The following USP10 variants were observed in gnomAD, a reference collection of about 807,000 sequenced individuals.
USP10 encodes the protein ubiquitin carboxyl-terminal hydrolase 10.
A neutral mutation model predicts 84.5 loss-of-function variants in USP10; 22 were observed. The ratio of observed to expected loss-of-function variants is 0.26; its 90% CI spans 0.19 to 0.37. The LOEUF (loss-of-function observed/expected upper bound fraction) is 0.37, where lower values mean the gene tolerates loss of function less well. Among genes scored for constraint, USP10 ranks in the 10% least tolerant of loss-of-function variants. The pLI is 1.00. For synonymous variants in USP10, 454 were observed against 387.6 expected, an observed-to-expected ratio of 1.17 and a Z score of -2.01; for missense variants, 1,019 against 998.9, an observed-to-expected ratio of 1.02 and a Z score of -0.27.
intron 12 of USP10, among the ~76,000 whole-genome samples, chr16:84,774,370 C>A (rs1029740309): frequency 1.3e-5 from 2 of 152,160 alleles, no homozygotes; most frequent in Non-Finnish European, 2.9e-5. Context: ...AGTGGTACTT[C>A]TGCGCACAGT....
chr16:84,726,531 C>T (rs1382056331), intron 1 of USP10, among the ~76,000 whole-genome samples: 3 of 152,226 alleles, frequency 2.0e-5, no homozygotes, highest in African/African-American at 7.2e-5. Context: ...CCAGCTTAGC[C>T]AACAGGCTAT....
At chr16:84,763,143 G>T (rs2150855512) in intron 9 of USP10, 55 bp downstream of exon 9, 2 of 1,125,588 alleles carry the variant, frequency 1.8e-6, no homozygotes, top group South Asian at 2.6e-5. Context: ...GTAAACAGGT[G>T]TTGCATACTC....
Position 84,763,041 on chromosome 16 carries a change from A to G in USP10, c.1607A>G (p.His536Arg). 6.2e-7 allele frequency: 1 copy of G among 1,612,958 alleles called. No individual in the cohort carries two copies. The highest frequency in any genetic ancestry group is 8.5e-7 in the Non-Finnish European group (1 of 1,179,140). The change falls in exon 9 of 14, where the codon CAT becomes CGT. Residue 536 changes from histidine to arginine, a missense_variant. His to Arg is a conservative substitution (Grantham distance 29). This residue lies in a region of USP10 where 787 missense variants were observed against 708.8 expected (regional missense o/e 1.11). Coordinates refer to ENST00000219473, the MANE Select transcript of USP10 (RefSeq NM_005153.3). ...EYLGFILNGLHEEMLNLKKLL... is the reference protein window; with the variant it reads ...EYLGFILNGLREEMLNLKKLL... ...TTAGGCTTCATTCTAAATGGACTTC[A>G]TGAGGAAATGTTGAACCTAAAGAAG...
chr16:84,770,484 C>A (rs1274204041), intron 11 of USP10, among the ~76,000 whole-genome samples: 1 of 152,066 alleles, frequency 6.6e-6, no homozygotes, highest in Non-Finnish European at 1.5e-5. Flanking sequence ...GAAATTAAGC[C>A]TCAGTTGGCT....
At chr16:84,706,089 C>G (rs1483253075) in intron 1 of USP10, among the ~76,000 whole-genome samples, 2 of 152,064 alleles carry the variant, frequency 1.3e-5, no homozygotes, top group Non-Finnish European at 2.9e-5. Flanking sequence ...GCTGTGTTTC[C>G]CAGGCTGGTC....
chr16:84,727,763 G>C (rs548145037), intron 1 of USP10, among the ~76,000 whole-genome samples: 1 of 152,198 alleles, frequency 6.6e-6, no homozygotes, highest in African/African-American at 2.4e-5. Flanking sequence ...TACATACACT[G>C]TAGCCACTTA....
chr16:84,733,530 T>G, intron 2 of USP10, 27 bp downstream of exon 2: 1 of 1,498,226 alleles, frequency 6.7e-7, no homozygotes, highest in Non-Finnish European at 9.2e-7. Flanking sequence ...TTTTAGTGAG[T>G]CCGTGGGTAG....
At chr16:84,776,916 G>C (rs1758024924) in intron 13 of USP10, among the ~76,000 whole-genome samples, 1 of 152,170 alleles carries the variant, frequency 6.6e-6, no homozygotes, top group East Asian at 1.9e-4. Context: ...AGGTTCAAGT[G>C]ATTCTTGTGC....
At chr16:84,724,989 T>G (rs1908270718) in intron 1 of USP10, among the ~76,000 whole-genome samples, 1 of 152,164 alleles carries the variant, frequency 6.6e-6, no homozygotes, top group African/African-American at 2.4e-5. Flanking sequence ...AAATTAAAAT[T>G]TTTATTTTGA....
At chr16:84,703,292 G>GA (rs1178930465) in intron 1 of USP10, among the ~76,000 whole-genome samples, 3 of 152,086 alleles carry the variant, frequency 2.0e-5, no homozygotes, top group Admixed American at 6.6e-5. Flanking sequence ...GCCTTACACC[G>GA]AAAAAATATT....
chr16:84,709,178 C>G (rs1445301706), intron 1 of USP10: 1 of 152,204 alleles, frequency 6.6e-6, no homozygotes, highest in Non-Finnish European at 1.5e-5. Flanking sequence ...AGACAGCTTG[C>G]TAATCAGATA....
chr16:84,707,371 G>A lies in USP10; in HGVS notation c.21+7260G>A, dbSNP rs546051824. 1.1e-4 allele frequency among the ~76,000 whole-genome samples: 16 copies of A among 152,284 alleles called. No homozygotes were observed. The East Asian group carries it at 2.5e-3, about 24-fold the overall frequency. ...GTGTGGGGTACATTTTAATAAAGTC[G>A]TTTATTTTATTTTCTAGTATAAAGA... On this transcript the variant is annotated intron_variant, in intron 1 of 13. Coordinates refer to ENST00000219473, the MANE Select transcript of USP10 (RefSeq NM_005153.3).
intron 9 of USP10, among the ~76,000 whole-genome samples, chr16:84,763,867 A>G (rs1198348406): frequency 4.8e-5 from 7 of 145,326 alleles, no homozygotes; most frequent in African/African-American, 1.6e-4. Context: ...GTGACGTTGC[A>G]CCTGTTGCGA....
chr16:84,723,832 C>G (rs1174784988), intron 1 of USP10, among the ~76,000 whole-genome samples: 3 of 152,208 alleles, frequency 2.0e-5, no homozygotes, highest in Admixed American at 6.5e-5. Flanking sequence ...ACAATCAAGA[C>G]ACCAGTTCTG....
chr16:84,763,871 G>C (rs968748917), intron 9 of USP10, among the ~76,000 whole-genome samples: 1 of 152,082 alleles, frequency 6.6e-6, no homozygotes, highest in Admixed American at 6.5e-5. Flanking sequence ...CGTTGCACCT[G>C]TTGCGATTGG....
Position 84,700,154 on chromosome 16 carries a change from C to CCGGGCGGGCGGACGCCGCGG in USP10, c.21+54_21+73dup, listed in dbSNP as rs977836718. 6,961 of 1,238,076 alleles carry CCGGGCGGGCGGACGCCGCGG rather than the reference C, an allele frequency of 5.6e-3. 48 individuals are homozygous for CCGGGCGGGCGGACGCCGCGG. The highest frequency in any genetic ancestry group is 6.5e-3 in the Non-Finnish European group (6,369 of 977,888). 76.7% of individuals were successfully genotyped at this position (1,238,076 alleles called of 1,614,324 possible). A position where few individuals can be genotyped will look rare whatever the true frequency, so the allele number is the denominator to read the frequency against. On this transcript the variant is annotated intron_variant, in intron 1 of 13. Coordinates refer to ENST00000219473, the MANE Select transcript of USP10 (RefSeq NM_005153.3). ...CCTTCGGCCGGAAGGGGCCCGAGCC[C>CCGGGCGGGCGGACGCCGCGG]CGGGCGGGCGGACGCCGCGGCGGGC...
At chr16:84,755,156 A>C (rs1200289867) in intron 4 of USP10, among the ~76,000 whole-genome samples, 1 of 151,254 alleles carries the variant, frequency 6.6e-6, no homozygotes, top group African/African-American at 2.4e-5. Context: ...CAGATCTTGT[A>C]TGCCTGGCCC....
chr16:84,711,793 C>T (rs1906340092), intron 1 of USP10, among the ~76,000 whole-genome samples: 1 of 147,196 alleles, frequency 6.8e-6, no homozygotes, highest in South Asian at 2.2e-4. Flanking sequence ...GATCTCAGCT[C>T]ACTGCAACCT....
intron 1 of USP10, among the ~76,000 whole-genome samples, chr16:84,724,242 T>C (rs1200985521): frequency 2.0e-5 from 3 of 152,166 alleles, no homozygotes; most frequent in Non-Finnish European, 4.4e-5. Flanking sequence ...GGAAAGTTGG[T>C]AAAAGTGGGT....
Sources: gnomAD v4.1 joint callset for allele counts (sites outside exome capture counted in the v4.1 genomes callset) on GRCh38, gnomAD v4.1.1 for gene constraint, gnomAD v4.1.1 regional missense constraint, MANE v1.5 for transcripts, NCBI Gene and HGNC (gene_info 2026-07-23, HGNC 2026-07-21) for gene names.